The following MB variants were observed in gnomAD, a reference collection of about 807,000 sequenced individuals.
MB encodes nitrite reductase MB.
Under a neutral mutation model 14.5 loss-of-function variants are expected in MB, and 10 were observed. The ratio of observed to expected loss-of-function variants is 0.69; its 90% CI spans 0.43 to 1.17. The LOEUF is 1.17. Ranked by LOEUF, MB falls within the 50% of genes most tolerant of loss-of-function variation. The pLI, the probability that MB is intolerant of heterozygous loss-of-function variation, is 0.00. For missense variants in MB, 169 were observed against 192.7 expected (o/e 0.88, Z 0.73); for synonymous variants, 89 against 78.6 (o/e 1.13, Z -0.70).
chr22:35,614,060 C>A (rs1922871661), intron 1 of MB, among the ~76,000 whole-genome samples: 1 of 152,218 alleles, frequency 6.6e-6, no homozygotes, highest in Non-Finnish European at 1.5e-5. Context: ...CAGCTTCAAC[C>A]CTGCTGTCAG....
At chr22:35,613,150 C>A (rs542470122) in intron 1 of MB, among the ~76,000 whole-genome samples, 5 of 152,358 alleles carry the variant, frequency 3.3e-5, no homozygotes, top group Admixed American at 2.0e-4. Context: ...TCCCGCCTGA[C>A]AGATGCAAGA....
At chr22:35,622,271 C>T (rs1923518279), upstream of MB, among the ~76,000 whole-genome samples, 1 of 152,168 alleles carries the variant, frequency 6.6e-6, no homozygotes, top group South Asian at 2.1e-4. Flanking sequence ...CCACCCCACC[C>T]CCAGCTTAGC....
rs1035473977 is a variant in MB at position 35,608,400 on chromosome 22, C to T, written c.319-957G>A. Among the ~76,000 whole-genome samples the T allele has an allele frequency of 7.9e-5, 12 of 152,182 alleles. No homozygotes were observed. The highest frequency in any genetic ancestry group is 4.1e-4 in the South Asian group (2 of 4,836). On this transcript the variant is annotated intron_variant, in intron 2 of 2. Coordinates refer to ENST00000397326, the MANE Select transcript of MB (RefSeq NM_005368.3). This position sits in a 1 kb window ranked among gnomAD's most constrained non-coding sequence, Gnocchi z 4.3. ...GGCAGGCCACTGCCAGAGCTGGGAA[C>T]GGAGGCAGTGGCTGAACCAAGGCTG...
chr22:35,610,980 A>G lies in MB; in HGVS notation c.222T>C (p.Gly74=). The stretch of plus-strand genomic sequence containing the variant: ...GATGCCCCTTCTTCTTAAGGATGCC[A>G]CCCAGGGCGGTGAGCACGGTGGCAC... The part of the protein sequence containing the change: ...KHGATVLTAL[G]GILKKKGHHE... Residue 74 remains glycine (G), a synonymous_variant, in exon 2 of 3, where the codon GGT becomes GGC. Transcript: ENST00000397326. 6.2e-7 allele frequency: 1 copy of G among 1,614,148 alleles called. No individual in the cohort carries two copies. Among genetic ancestry groups the G allele is most frequent in the Non-Finnish European group, 8.5e-7 (1 of 1,180,012 alleles).
intron 2 of MB, among the ~76,000 whole-genome samples, chr22:35,609,464 G>C (rs972005708): frequency 6.6e-6 from 1 of 152,212 alleles, no homozygotes; most frequent in African/African-American, 2.4e-5. Flanking sequence ...GTGATGTGGA[G>C]CAGTTGGGCA....
intron 1 of MB, among the ~76,000 whole-genome samples, chr22:35,613,744 C>T (rs892779953): frequency 1.4e-4 from 21 of 152,176 alleles, no homozygotes; most frequent in African/African-American, 4.1e-4. Flanking sequence ...AGCGATTCCC[C>T]GATCCTGCCT....
chr22:35,612,189 C>G (rs375779451), intron 1 of MB, among the ~76,000 whole-genome samples: 4 of 152,200 alleles, frequency 2.6e-5, no homozygotes, highest in South Asian at 4.2e-4. Context: ...AAAAGCTCCT[C>G]TTTTATGATA....
chr22:35,615,866 T>A (rs1362050733), intron 1 of MB, among the ~76,000 whole-genome samples: 1 of 152,080 alleles, frequency 6.6e-6, no homozygotes, highest in African/African-American at 2.4e-5. Flanking sequence ...AAGAAAGACA[T>A]AAACACACTA....
chr22:35,616,345 T>C (rs190182139), intron 1 of MB, among the ~76,000 whole-genome samples: 6 of 152,272 alleles, frequency 3.9e-5, no homozygotes, highest in African/African-American at 1.4e-4. Flanking sequence ...TTTTCTTTGG[T>C]GTATTCTGGA....
At chr22:35,610,605 A>G (rs1408676683) in intron 2 of MB, among the ~76,000 whole-genome samples, 1 of 152,108 alleles carries the variant, frequency 6.6e-6, no homozygotes, top group African/African-American at 2.4e-5. Context: ...AGAGGATGCA[A>G]ATTTTGCACC....
chr22:35,618,117 G>C (rs1016677897), upstream of MB, among the ~76,000 whole-genome samples: 3 of 152,122 alleles, frequency 2.0e-5, no homozygotes, highest in Non-Finnish European at 4.4e-5. Context: ...CTTGGCATTT[G>C]GTAACTCATT....
At chr22:35,620,367 C>CTCAT (rs1455635854), upstream of MB, among the ~76,000 whole-genome samples, 2 of 152,176 alleles carry the variant, frequency 1.3e-5, no homozygotes, top group African/African-American at 2.4e-5. Flanking sequence ...CAAAGGGGAT[C>CTCAT]TCATTCATTC....
intron 1 of MB, among the ~76,000 whole-genome samples, chr22:35,614,304 G>C (rs745617527): frequency 5.3e-5 from 8 of 152,184 alleles, no homozygotes; most frequent in Non-Finnish European, 1.0e-4. Flanking sequence ...TCAAGAGCAA[G>C]GATTCTGGGC....
At chr22:35,620,804 G>C (rs778580194), upstream of MB, among the ~76,000 whole-genome samples, 4 of 152,138 alleles carry the variant, frequency 2.6e-5, no homozygotes, top group Non-Finnish European at 4.4e-5. Context: ...CTCTTCTCCC[G>C]TCTCTGGCCT....
Position 35,614,668 on chromosome 22 carries a change from A to G in MB, c.95+2495T>C, listed in dbSNP as rs117600861. Among the ~76,000 whole-genome samples the G allele has an allele frequency of 9.9e-5, 15 of 152,272 alleles. No homozygotes were observed. In the East Asian group the frequency reaches 2.7e-3, roughly 27 times the overall value. Reference sequence around the variant, plus strand: ...AGGCTTCAGTGAGTGAAACACTTAAACAGAGCCCAGCAATCAGTATGTGCT... The same window carrying G: ...AGGCTTCAGTGAGTGAAACACTTAAGCAGAGCCCAGCAATCAGTATGTGCT... On this transcript the variant is annotated intron_variant, in intron 1 of 2. Transcript: ENST00000397326.
At chr22:35,619,248 T>C (rs1050761867), upstream of MB, among the ~76,000 whole-genome samples, 1 of 152,226 alleles carries the variant, frequency 6.6e-6, no homozygotes, top group Non-Finnish European at 1.5e-5. Flanking sequence ...ATGATCAAGG[T>C]AGGCACAGGC....
At chr22:35,610,808 G>T in intron 2 of MB, 76 bp downstream of exon 2, 1 of 1,152,834 alleles carries the variant, frequency 8.7e-7, no homozygotes, top group Non-Finnish European at 1.3e-6. Context: ...GGCTGAGCTT[G>T]GACTCGAACC....
intron 1 of MB, 101 bp from the exon 2 acceptor site, chr22:35,611,207 G>C: frequency 1.2e-6 from 1 of 809,654 alleles, no homozygotes; most frequent in Non-Finnish European, 2.1e-6. Context: ...CTTCCCAGCT[G>C]TGTGACCTTG....
At chr22:35,618,564 T>C (rs537902823), upstream of MB, among the ~76,000 whole-genome samples, 1 of 152,100 alleles carries the variant, frequency 6.6e-6, no homozygotes, top group South Asian at 2.1e-4. Context: ...TGTCTATCCA[T>C]GCATTCACTC....
Sources: allele counts gnomAD v4.1 joint callset (sites outside exome capture counted in the v4.1 genomes callset), GRCh38; gene constraint gnomAD v4.1.1; non-coding constraint Gnocchi (gnomAD v3.1); transcripts MANE v1.5; gene names NCBI Gene and HGNC (gene_info 2026-07-23, HGNC 2026-07-21).